GRID2IP: variants seen among roughly 807,000 people sequenced by gnomAD.
GRID2IP encodes the protein delphilin.
Under a neutral mutation model 114.3 loss-of-function variants are expected in GRID2IP, and 78 were observed. The ratio of observed to expected loss-of-function variants is 0.68; its 90% CI spans 0.57 to 0.82. The LOEUF is 0.82. GRID2IP is among the 40% of genes least tolerant of loss of function. The pLI, the probability that GRID2IP is intolerant of heterozygous loss-of-function variation, is 0.00. For synonymous variants in GRID2IP, 809 were observed against 724.0 expected, an observed-to-expected ratio of 1.12 and a Z score of -1.89; for missense variants, 1,727 against 1,678.5, an observed-to-expected ratio of 1.03 and a Z score of -0.51.
rs984084975 is a variant in GRID2IP at position 6,506,024 on chromosome 7, G to A, written c.2545-117C>T. The stretch of plus-strand genomic sequence containing the variant: ...CTTCCCGAGCAAAAGCACCCATCAG[G>A]TGCTGGGATAAAGCCCGGAGCAGGA... On this transcript the variant is annotated intron_variant, in intron 13 of 21. Transcript: ENST00000457091. The surrounding 1 kb of genome is among the most constrained non-coding windows in gnomAD (Gnocchi z 5.2). 8 of 676,522 alleles carry A rather than the reference G, an allele frequency of 1.2e-5. No individual in the cohort carries two copies. In the African/African-American group the frequency reaches 1.3e-4, roughly 11 times the overall value. 41.9% of individuals were successfully genotyped at this position (676,522 alleles called of 1,614,324 possible). A position where few individuals can be genotyped will look rare whatever the true frequency, so the allele number is the denominator to read the frequency against.
rs767264264 is a variant in GRID2IP at position 6,510,590 on chromosome 7, A to G, written c.1653+19T>C. 58 of 1,507,630 alleles carry G rather than the reference A, an allele frequency of 3.8e-5. No homozygotes were observed. The highest frequency in any genetic ancestry group is 1.1e-5 in the Non-Finnish European group (12 of 1,123,250). 93.4% of individuals were successfully genotyped at this position (1,507,630 alleles called of 1,614,324 possible). ...CCTGCCCCCTACTGACCCCACGTGGAGGGCAGAGAAGGTCTCACCATCTTG... is the reference window on the plus strand; with the variant it reads ...CCTGCCCCCTACTGACCCCACGTGGGGGGCAGAGAAGGTCTCACCATCTTG... On this transcript the variant is annotated intron_variant, in intron 10 of 21. Coordinates refer to ENST00000457091, the MANE Select transcript of GRID2IP (RefSeq NM_001145118.2).
At chr7:6,504,972 G>A in intron 14 of GRID2IP, 102 bp from the exon 15 acceptor site, 1 of 883,952 alleles carries the variant, frequency 1.1e-6, no homozygotes. Flanking sequence ...ATCCCCCTAA[G>A]CACGACCTCG....
chr7:6,548,078 G>A (rs1779913721), intron 1 of GRID2IP, among the ~76,000 whole-genome samples: 1 of 152,174 alleles, frequency 6.6e-6, no homozygotes, highest in African/African-American at 2.4e-5. Flanking sequence ...TAGGCCAGGT[G>A]CAGTAGCTCA....
chr7:6,530,633 G>A (rs1453615490), intron 2 of GRID2IP, among the ~76,000 whole-genome samples: 1 of 152,040 alleles, frequency 6.6e-6, no homozygotes, highest in Non-Finnish European at 1.5e-5. Flanking sequence ...GTGGCAAGGG[G>A]ACAAGGGTTC....
chr7:6,526,774 C>T lies in GRID2IP; in HGVS notation c.585-5G>A, dbSNP rs1055071794. On this transcript the variant is annotated splice_region_variant and splice_polypyrimidine_tract_variant and intron_variant, in intron 2 of 21. Transcript: ENST00000457091. The surrounding 1 kb of genome is among the most constrained non-coding windows in gnomAD (Gnocchi z 7.6). ...TGCTTCTTGGGGATGAAGATCCTGCCGGCGAGGACGGCGGAGTCGGGGCGC... is the reference window on the plus strand; with the variant it reads ...TGCTTCTTGGGGATGAAGATCCTGCTGGCGAGGACGGCGGAGTCGGGGCGC... The T allele has an allele frequency of 8.6e-6, 13 of 1,510,894 alleles. No homozygotes were observed. The African/African-American group carries it at 1.9e-4, about 22-fold the overall frequency. The allele number at this position is 1,510,894 out of a possible 1,614,324, so 93.6% of individuals were successfully genotyped here.
chr7:6,526,352 C>A lies in GRID2IP; in HGVS notation c.834-43G>T, dbSNP rs1339848650. On this transcript the variant is annotated intron_variant, in intron 3 of 21. Coordinates refer to ENST00000457091, the MANE Select transcript of GRID2IP (RefSeq NM_001145118.2). The surrounding 1 kb of genome is among the most constrained non-coding windows in gnomAD (Gnocchi z 7.6). ...GGCGAGCAGCATGATGGAGAGGGGG[C>A]CCTGGGGCGCAGAGGTTGGAGATGT... 3 of 1,531,918 alleles carry A rather than the reference C, an allele frequency of 2.0e-6. No homozygotes were observed. The highest frequency in any genetic ancestry group is 2.4e-5 in the East Asian group (1 of 40,820). 94.9% of individuals were successfully genotyped at this position (1,531,918 alleles called of 1,614,324 possible). A position where few individuals can be genotyped will look rare whatever the true frequency, so the allele number is the denominator to read the frequency against.
At chr7:6,533,466 C>T (rs1779670238) in intron 2 of GRID2IP, among the ~76,000 whole-genome samples, 1 of 152,110 alleles carries the variant, frequency 6.6e-6, no homozygotes, top group Non-Finnish European at 1.5e-5. Context: ...TTAAGTGATC[C>T]TCCCACCTCA....
chr7:6,503,485 C>G lies in GRID2IP; in HGVS notation c.2907+6G>C. 1 of 1,516,392 alleles carries G rather than the reference C, an allele frequency of 6.6e-7. No homozygotes were observed. The highest frequency in any genetic ancestry group is 8.8e-7 in the Non-Finnish European group (1 of 1,139,476). 93.9% of individuals were successfully genotyped at this position (1,516,392 alleles called of 1,614,324 possible). ...AGGCCTCGGGGCGGGGTTGTGGTCG[C>G]GGCACCTGCAGGACGAACTGGTCCG... On this transcript the variant is annotated splice_donor_region_variant and intron_variant, in intron 16 of 21. Coordinates refer to ENST00000457091, the MANE Select transcript of GRID2IP (RefSeq NM_001145118.2).
chr7:6,510,647 C>CGCCT lies in GRID2IP; in HGVS notation c.1611_1614dup (p.Asp539ArgfsTer8). ...GGGGTCTCAGGGAGGGACGTGCCGTCGCCTGCCTGGCGCTCGCCTGGGATC... is the reference window on the plus strand; with the variant it reads ...GGGGTCTCAGGGAGGGACGTGCCGTCGCCTGCCTGCCTGGCGCTCGCCTGGGATC... On this transcript the variant is annotated frameshift_variant, in exon 10 of 22. Coordinates refer to ENST00000457091, the MANE Select transcript of GRID2IP (RefSeq NM_001145118.2). LOFTEE classifies it high-confidence loss of function. 6.5e-7 allele frequency: 1 copy of CGCCT among 1,538,236 alleles called. No individual in the cohort carries two copies. The highest frequency in any genetic ancestry group is 8.8e-7 in the Non-Finnish European group (1 of 1,142,800).
intron 14 of GRID2IP, 106 bp from the exon 15 acceptor site, chr7:6,504,976 G>T: frequency 1.2e-6 from 1 of 852,542 alleles, no homozygotes; most frequent in South Asian, 1.5e-5. Flanking sequence ...CCCTAAGCAC[G>T]ACCTCGACTT....
At position 6,526,751 on chromosome 7, in the gene GRID2IP, C is replaced by A; in HGVS notation, c.603G>T (p.Lys201Asn). 1 of 1,523,398 alleles carries A rather than the reference C, an allele frequency of 6.6e-7. No homozygotes were observed. The highest frequency in any genetic ancestry group is 8.8e-7 in the Non-Finnish European group (1 of 1,135,500). The allele number at this position is 1,523,398 out of a possible 1,614,324, so 94.4% of individuals were successfully genotyped here. A position where few individuals can be genotyped will look rare whatever the true frequency, so the allele number is the denominator to read the frequency against. Residue 201 changes from lysine (K) to asparagine (N), a missense_variant, in exon 3 of 22, where the codon AAG becomes AAT. Transcript: ENST00000457091. The surrounding 1 kb of genome is among the most constrained non-coding windows in gnomAD (Gnocchi z 7.6). ...CCACCTCGTCGAAGCGCGCCCGGTG[C>A]TTCTTGGGGATGAAGATCCTGCCGG... is the stretch of plus-strand genomic sequence containing the variant. ...LDNLRIFIPK[K>N]HRARFDEVVS...
chr7:6,505,964 T>C, intron 13 of GRID2IP, 57 bp from the exon 14 acceptor site: 12 of 1,193,958 alleles, frequency 1.0e-5, no homozygotes, highest in Non-Finnish European at 1.5e-5. Flanking sequence ...TGGACTGGCC[T>C]CCCACTTCCC....
At position 6,520,157 on chromosome 7, in the gene GRID2IP, G is replaced by T. The variant is rs1779386022; in HGVS notation, c.1268+421C>A. ...AATACAAAAAAATTAGCCGGGTGTG[G>T]TGGTGGGCACCTGTAATCCCAGCTA... On this transcript the variant is annotated intron_variant, in intron 7 of 21. Coordinates refer to ENST00000457091, the MANE Select transcript of GRID2IP (RefSeq NM_001145118.2). The surrounding 1 kb of genome is among the most constrained non-coding windows in gnomAD (Gnocchi z 4.6). Among the ~76,000 whole-genome samples, 1 of 152,148 alleles carries T rather than the reference G, an allele frequency of 6.6e-6. No individual in the cohort carries two copies. Among genetic ancestry groups the T allele is most frequent in the Non-Finnish European group, 1.5e-5 (1 of 68,030 alleles).
rs1376685746 is a variant in GRID2IP at position 6,508,201 on chromosome 7, A to G, written c.2328T>C (p.Gly776=). The change falls in exon 13 of 22, where the codon GGT becomes GGC. Residue 776 remains glycine (G), a synonymous_variant. Transcript: ENST00000457091. This position sits in a 1 kb window ranked among gnomAD's most constrained non-coding sequence, Gnocchi z 5.6. ...CCAGCGCCTGAGCAGGGCCCCGGGA[A>G]CCATCAGAGCTGCGGGAGCTGGGCT... ...DAKPSSRSSD[G]SRGPAQALAK... is the part of the protein sequence containing the mutation. 1 of 1,369,734 alleles carries G rather than the reference A, an allele frequency of 7.3e-7. No individual in the cohort carries two copies. The highest frequency in any genetic ancestry group is 3.7e-5 in the East Asian group (1 of 26,986). The allele number at this position is 1,369,734 out of a possible 1,614,324, so 84.8% of individuals were successfully genotyped here. A position where few individuals can be genotyped will look rare whatever the true frequency, so the allele number is the denominator to read the frequency against.
intron 7 of GRID2IP, among the ~76,000 whole-genome samples, chr7:6,517,705 C>G (rs1663154618): frequency 1.3e-5 from 2 of 151,340 alleles, no homozygotes; most frequent in African/African-American, 4.9e-5. Context: ...GAGTTCGAGA[C>G]CAGCCTGGCC....
rs190597413 is a variant in GRID2IP, at chr7:6,505,993, T to C, written c.2545-86A>G. On this transcript the variant is annotated intron_variant, in intron 13 of 21. Transcript: ENST00000457091. ...ACTTCCCACCCTCTGAGGGCTGCCA[T>C]AGGGGCTTCCCGAGCAAAAGCACCC... The C allele has an allele frequency of 4.8e-4, 411 of 855,452 alleles. 2 individuals carry two copies. The African/African-American group carries it at 5.2e-3, about 11-fold the overall frequency. The allele number at this position is 855,452 out of a possible 1,614,324, so 53.0% of individuals were successfully genotyped here.
Position 6,516,163 on chromosome 7 carries a change from C to G in GRID2IP, c.1269-1634G>C, listed in dbSNP as rs564407633. On this transcript the variant is annotated intron_variant, in intron 7 of 21. Coordinates refer to ENST00000457091, the MANE Select transcript of GRID2IP (RefSeq NM_001145118.2). The surrounding 1 kb of genome is among the most constrained non-coding windows in gnomAD (Gnocchi z 4.3). ...ATAAAGTAGGAGAATATCTTTTGACCTAGAAGCAGGGAAGAGCTTAAAATT... is the reference window on the plus strand; with the variant it reads ...ATAAAGTAGGAGAATATCTTTTGACGTAGAAGCAGGGAAGAGCTTAAAATT... 6.6e-6 allele frequency among the ~76,000 whole-genome samples: 1 copy of G among 151,008 alleles called. No individual in the cohort carries two copies. Among genetic ancestry groups the G allele is most frequent in the South Asian group, 2.1e-4 (1 of 4,728 alleles).
Position 6,497,472 on chromosome 7 carries a change from G to A in GRID2IP, c.*302C>T, listed in dbSNP as rs527890182. On this transcript the variant is annotated 3_prime_UTR_variant, in exon 22 of 22. Transcript: ENST00000457091. ...GGCCACTTTGTAATCCACCCTCCAG[G>A]CCCCCCTGACAGCCTGGGAGCGAAG... 3.2e-6 allele frequency: 1 copy of A among 308,566 alleles called. No individual in the cohort carries two copies. Among genetic ancestry groups the A allele is most frequent in the East Asian group, 5.7e-5 (1 of 17,540 alleles). The allele number at this position is 308,566 out of a possible 1,614,324, so 19.1% of individuals were successfully genotyped here.
rs779827341 is a variant in GRID2IP at position 6,530,583 on chromosome 7, GCTTT to G, written c.585-3818_585-3815del. On this transcript the variant is annotated intron_variant, in intron 2 of 21. Coordinates refer to ENST00000457091, the MANE Select transcript of GRID2IP (RefSeq NM_001145118.2). ...GCCACCGCGCCTGGCCCCCCACCCA[GCTTT>G]CTTTATCTCACCTTTGATCATCAGC... Among the ~76,000 whole-genome samples the G allele has an allele frequency of 6.8e-4, 102 of 149,914 alleles. 1 individual carries two copies. In the East Asian group the frequency reaches 0.016, roughly 24 times the overall value.
Sources: allele counts gnomAD v4.1 joint callset (sites outside exome capture counted in the v4.1 genomes callset), GRCh38; gene constraint gnomAD v4.1.1; non-coding constraint Gnocchi (gnomAD v3.1); transcripts MANE v1.5; gene names NCBI Gene and HGNC (gene_info 2026-07-23, HGNC 2026-07-21).